The following PBRM1 variants were observed in gnomAD, a reference collection of about 807,000 sequenced individuals.
The protein encoded by PBRM1 is protein polybromo-1.
In PBRM1, 27 loss-of-function variants were observed where a neutral mutation model predicts 194.5. The ratio of observed to expected loss-of-function variants is 0.14; its 90% CI spans 0.10 to 0.19. The LOEUF is 0.19. Ranked by LOEUF, PBRM1 falls within the 10% of genes least tolerant of loss-of-function variation. The probability of loss-of-function intolerance (pLI) is 1.00; values close to 1 mark genes in which losing one functional copy is unlikely to be tolerated. For missense variants in PBRM1, 1,466 were observed against 2,077.2 expected (o/e 0.71, Z 5.72); for synonymous variants, 655 against 693.2 (o/e 0.94, Z 0.87).
At chr3:52,614,169 T>C (rs1228936183) in intron 15 of PBRM1, among the ~76,000 whole-genome samples, 1 of 151,756 alleles carries the variant, frequency 6.6e-6, no homozygotes, top group African/African-American at 2.4e-5. Context: ...GGTCAGGAGT[T>C]TTGACAGCAG....
intron 17 of PBRM1, among the ~76,000 whole-genome samples, chr3:52,602,754 T>C (rs1056337503): frequency 1.3e-5 from 2 of 152,214 alleles, no homozygotes; most frequent in Non-Finnish European, 2.9e-5. Context: ...CTGTTGGTTT[T>C]GCAGTTAGTT....
intron 4 of PBRM1, among the ~76,000 whole-genome samples, chr3:52,661,534 T>C (rs1038488460): frequency 2.0e-5 from 3 of 151,778 alleles, no homozygotes; most frequent in African/African-American, 7.3e-5. Flanking sequence ...CAGGGTGGGG[T>C]AGGGGCTGAA....
At chr3:52,556,928 GT>G (rs199532939) in intron 26 of PBRM1, among the ~76,000 whole-genome samples, 13,956 of 137,950 alleles carry the variant, frequency 0.1, 1,224 homozygotes, top group African/African-American at 0.23. Flanking sequence ...TGCAGCTGCT[GT>G]TTTTTTTTTT....
At chr3:52,633,547 C>T (rs1360057564) in intron 11 of PBRM1, among the ~76,000 whole-genome samples, 1 of 152,144 alleles carries the variant, frequency 6.6e-6, no homozygotes, top group Non-Finnish European at 1.5e-5. Flanking sequence ...ATTTCTTAAT[C>T]ACATGGTAAT....
At chr3:52,636,593 T>A (rs967551541) in intron 10 of PBRM1, among the ~76,000 whole-genome samples, 3 of 150,356 alleles carry the variant, frequency 2.0e-5, no homozygotes, top group Non-Finnish European at 4.4e-5. Flanking sequence ...CCGTCTCTAC[T>A]AAAAATAAAA....
chr3:52,662,117 C>T lies in PBRM1; in HGVS notation c.528+16G>A, dbSNP rs754630790. 4.3e-6 allele frequency: 7 copies of T among 1,611,954 alleles called. No individual in the cohort carries two copies. The Admixed American group carries it at 1.2e-4, about 27-fold the overall frequency. ...TCCAAGAGCCCATCCATCACAAGTT[C>T]CAGCTACACACTTACTCCTTCAGTC... On this transcript the variant is annotated intron_variant, in intron 4 of 29. Transcript: ENST00000296302.
At chr3:52,574,737 T>A (rs1021100445) in intron 22 of PBRM1, among the ~76,000 whole-genome samples, 2 of 152,184 alleles carry the variant, frequency 1.3e-5, no homozygotes, top group Non-Finnish European at 2.9e-5. Flanking sequence ...TCTGCATGGC[T>A]GAGTGTTGAA....
intron 22 of PBRM1, among the ~76,000 whole-genome samples, chr3:52,572,530 G>A (rs1228139816): frequency 6.6e-6 from 1 of 152,078 alleles, no homozygotes; most frequent in Non-Finnish European, 1.5e-5. Flanking sequence ...CACCACCACA[G>A]CTGGCTAATT....
At chr3:52,566,627 A>G (rs1424037596) in intron 22 of PBRM1, among the ~76,000 whole-genome samples, 5 of 152,260 alleles carry the variant, frequency 3.3e-5, no homozygotes, top group Non-Finnish European at 7.3e-5. Flanking sequence ...GAACAAAAAA[A>G]GTAGAACAGT....
intron 29 of PBRM1, among the ~76,000 whole-genome samples, chr3:52,549,267 G>A (rs550250956): frequency 1.3e-5 from 2 of 151,970 alleles, no homozygotes; most frequent in South Asian, 2.1e-4. Context: ...TGATCTGCCC[G>A]CTTCAGCCTC....
At chr3:52,661,446 AAG>A (rs2096722920) in intron 4 of PBRM1, among the ~76,000 whole-genome samples, 1 of 152,232 alleles carries the variant, frequency 6.6e-6, no homozygotes, top group Non-Finnish European at 1.5e-5. Flanking sequence ...TACTTGGGGA[AAG>A]AGAGAAAAAC....
chr3:52,655,658 T>C (rs2153831168), intron 5 of PBRM1, among the ~76,000 whole-genome samples: 1 of 152,322 alleles, frequency 6.6e-6, no homozygotes, highest in Admixed American at 6.5e-5. Context: ...TTTCTCCTTT[T>C]CTTAAAGTTT....
chr3:52,597,353 T>C (rs1254718382), intron 17 of PBRM1, among the ~76,000 whole-genome samples: 1 of 152,214 alleles, frequency 6.6e-6, no homozygotes, highest in East Asian at 1.9e-4. Context: ...TGGAGGCTTC[T>C]ATTCGGCCAT....
At chr3:52,554,861 G>A (rs772183616) in exon 27 of PBRM1, 16 of 1,606,572 alleles carry the variant, frequency 1.0e-5, no homozygotes, top group South Asian at 6.7e-5. Context: ...AAGGCCTGGC[G>A]GATAGCCACC....
intron 13 of PBRM1, among the ~76,000 whole-genome samples, chr3:52,619,630 C>T (rs185122937): frequency 6.6e-6 from 1 of 152,216 alleles, no homozygotes; most frequent in African/African-American, 2.4e-5. Context: ...AAGTTCATTC[C>T]TCAGGCAAAC....
At chr3:52,684,490 A>G (rs2097275645), upstream of PBRM1, among the ~76,000 whole-genome samples, 1 of 152,166 alleles carries the variant, frequency 6.6e-6, no homozygotes, top group Admixed American at 6.5e-5. Flanking sequence ...GGAAAACAGG[A>G]CTCAAAGGAA....
At chr3:52,626,760 C>T (rs1360629146) in intron 13 of PBRM1, among the ~76,000 whole-genome samples, 1 of 152,070 alleles carries the variant, frequency 6.6e-6, no homozygotes, top group East Asian at 1.9e-4. Flanking sequence ...AAATCTAGCT[C>T]AACATTTTAT....
At chr3:52,660,991 C>CT (rs1014862832) in intron 4 of PBRM1, among the ~76,000 whole-genome samples, 1 of 152,086 alleles carries the variant, frequency 6.6e-6, no homozygotes, top group Non-Finnish European at 1.5e-5. Flanking sequence ...CTCTACTATT[C>CT]TTTTTTCTCT....
chr3:52,674,643 A>AAAAAAAAAAAT, intron 2 of PBRM1, among the ~76,000 whole-genome samples: 1 of 72,420 alleles, frequency 1.4e-5, no homozygotes. Flanking sequence ...AAAAAAAAAA[A>AAAAAAAAAAAT]ATATATATAT....
Sources: allele counts gnomAD v4.1 joint callset (sites outside exome capture counted in the v4.1 genomes callset), GRCh38; gene constraint gnomAD v4.1.1; transcripts MANE v1.5; gene names NCBI Gene and HGNC (gene_info 2026-07-23, HGNC 2026-07-21).